Variants in JARID2 observed in about 807,000 individuals in gnomAD.
The protein encoded by JARID2 is jumonji and AT-rich interaction domain containing 2.
In JARID2, 21 loss-of-function variants were observed where a neutral mutation model predicts 125.6. The ratio of observed to expected loss-of-function variants is 0.17; its 90% CI spans 0.12 to 0.24. The LOEUF is 0.24. Among genes scored for constraint, JARID2 ranks in the 10% least tolerant of loss-of-function variants. The probability of loss-of-function intolerance (pLI) is 1.00; values close to 1 mark genes in which losing one functional copy is unlikely to be tolerated. For synonymous variants in JARID2, 736 were observed against 661.6 expected (o/e 1.11, Z -1.73); for missense variants, 1,303 against 1,639.6 (o/e 0.79, Z 3.55).
chr6:15,407,533 G>A (rs554076776), intron 2 of JARID2, among the ~76,000 whole-genome samples: 1 of 152,274 alleles, frequency 6.6e-6, no homozygotes, highest in South Asian at 2.1e-4. Context: ...GACTTCAGCT[G>A]CTGTTATGTA....
intron 1 of JARID2, among the ~76,000 whole-genome samples, chr6:15,366,041 C>G (rs1763960950): frequency 6.6e-6 from 1 of 152,166 alleles, no homozygotes; most frequent in Non-Finnish European, 1.5e-5. Context: ...TCATCACCCC[C>G]AACCCCATTT....
chr6:15,360,484 A>G (rs1763754231), intron 1 of JARID2, among the ~76,000 whole-genome samples: 1 of 151,810 alleles, frequency 6.6e-6, no homozygotes, highest in South Asian at 2.1e-4. Context: ...TGCCCGGCCT[A>G]TTTATCTTAT....
intron 3 of JARID2, among the ~76,000 whole-genome samples, chr6:15,428,831 G>T (rs1023082826): frequency 6.6e-6 from 1 of 151,676 alleles, no homozygotes; most frequent in Admixed American, 6.6e-5. Flanking sequence ...GCTGGAACCC[G>T]GGAGGTAGAG....
intron 2 of JARID2, among the ~76,000 whole-genome samples, chr6:15,391,695 G>T: frequency 6.6e-6 from 1 of 152,196 alleles, no homozygotes; most frequent in Non-Finnish European, 1.5e-5. Flanking sequence ...TTGATATGTT[G>T]GAATGGGCAC....
chr6:15,266,967 G>T (rs187637536), intron 1 of JARID2, among the ~76,000 whole-genome samples: 1 of 152,220 alleles, frequency 6.6e-6, no homozygotes, highest in African/African-American at 2.4e-5. Context: ...GTGCACGTGC[G>T]TCCCTGAGTG....
intron 1 of JARID2, among the ~76,000 whole-genome samples, chr6:15,304,224 G>A (rs896962259): frequency 1.4e-5 from 2 of 146,528 alleles, no homozygotes; most frequent in Non-Finnish European, 3.0e-5. Flanking sequence ...TCGCTGCGCA[G>A]CCTCAGTTGT....
At chr6:15,290,222 T>G (rs772061358) in intron 1 of JARID2, among the ~76,000 whole-genome samples, 67 of 152,240 alleles carry the variant, frequency 4.4e-4, no homozygotes, top group Non-Finnish European at 8.5e-4. Context: ...GTTGTTGTAT[T>G]TATCAGTTCA....
chr6:15,290,443 T>G (rs1004161738), intron 1 of JARID2, among the ~76,000 whole-genome samples: 8 of 152,152 alleles, frequency 5.3e-5, no homozygotes, highest in Non-Finnish European at 1.5e-5. Context: ...TGTTGAGGAT[T>G]ATAAGAAACT....
chr6:15,295,246 C>T (rs1761369295), intron 1 of JARID2, among the ~76,000 whole-genome samples: 1 of 151,692 alleles, frequency 6.6e-6, no homozygotes, highest in African/African-American at 2.4e-5. Context: ...CTCAGCCTCC[C>T]AAGTAGCTGG....
chr6:15,294,545 A>T (rs1297947152), intron 1 of JARID2, among the ~76,000 whole-genome samples: 1 of 152,214 alleles, frequency 6.6e-6, no homozygotes, highest in East Asian at 1.9e-4. Flanking sequence ...AAGCAGAGTG[A>T]AAACCTGCTT....
chr6:15,503,569 C>T lies in JARID2; in HGVS notation c.2449-931C>T, dbSNP rs957314741. 5.1e-4 allele frequency among the ~76,000 whole-genome samples: 77 copies of T among 152,292 alleles called. 1 individual carries two copies. The highest frequency in any genetic ancestry group is 1.8e-3 in the African/African-American group (75 of 41,550). On this transcript the variant is annotated intron_variant, in intron 8 of 17. Transcript: ENST00000341776. The stretch of plus-strand genomic sequence containing the variant: ...CTACATGACACCTGGCACCTCCTCC[C>T]ATCCCATATTTGTGTGTTTGAGGCC...
Position 15,496,847 on chromosome 6 carries a change from A to C in JARID2, c.1622A>C (p.Lys541Thr). ...GTGCACAAGCCGCAGGACTCGGGCAAGGCCGAGAAGGGCGGCGGCAAGGCC... is the reference window on the plus strand; with the variant it reads ...GTGCACAAGCCGCAGGACTCGGGCACGGCCGAGAAGGGCGGCGGCAAGGCC... ...ESVHKPQDSG[K>T]AEKGGGKAGW... is the part of the protein sequence containing the mutation. The change falls in exon 7 of 18, where the codon AAG becomes ACG. Residue 541 changes from lysine (K) to threonine (T), a missense_variant. Around this residue, in one of 11 missense-constraint regions of JARID2, gnomAD observed 651 missense variants for 581.6 expected, o/e 1.12. Transcript: ENST00000341776. The C allele has an allele frequency of 6.2e-7, 1 of 1,601,712 alleles. No individual in the cohort carries two copies. The highest frequency in any genetic ancestry group is 8.5e-7 in the Non-Finnish European group (1 of 1,171,794).
chr6:15,446,805 G>A (rs950155858), intron 3 of JARID2, among the ~76,000 whole-genome samples: 2 of 152,192 alleles, frequency 1.3e-5, no homozygotes, highest in African/African-American at 2.4e-5. Flanking sequence ...GTGAGGGAGT[G>A]CACACCAGAA....
At chr6:15,303,312 GGGT>G (rs1440224050) in intron 1 of JARID2, among the ~76,000 whole-genome samples, 1 of 152,196 alleles carries the variant, frequency 6.6e-6, no homozygotes, top group African/African-American at 2.4e-5. Flanking sequence ...GCACATTCTG[GGGT>G]TCATTCTGTT....
intron 1 of JARID2, among the ~76,000 whole-genome samples, chr6:15,301,360 A>C (rs1311957332): frequency 6.6e-6 from 1 of 152,200 alleles, no homozygotes; most frequent in Non-Finnish European, 1.5e-5. Context: ...CATGAGTTCT[A>C]TACATTTTGG....
chr6:15,444,651 C>T (rs1287677361), intron 3 of JARID2, among the ~76,000 whole-genome samples: 1 of 149,524 alleles, frequency 6.7e-6, no homozygotes, highest in Non-Finnish European at 1.5e-5. Context: ...AGCAAGTTGG[C>T]AAAGCTTCAG....
rs775893686 is a variant in JARID2 at position 15,496,842 on chromosome 6, GGGCAAGGCCGAGAAGGGCGGC to G, written c.1628_1648del (p.Glu543_Ala549del). 33 of 1,602,058 alleles carry G rather than the reference GGGCAAGGCCGAGAAGGGCGGC, an allele frequency of 2.1e-5. No individual in the cohort carries two copies. Among genetic ancestry groups the G allele is most frequent in the Non-Finnish European group, 2.5e-5 (29 of 1,172,192 alleles). ...AGTCCGTGCACAAGCCGCAGGACTC[GGGCAAGGCCGAGAAGGGCGGC>G]GGCAAGGCCGGGTGGGCGGCCATGG... is the stretch of plus-strand genomic sequence containing the variant. On this transcript the variant is annotated inframe_deletion, in exon 7 of 18. Coordinates refer to ENST00000341776, the MANE Select transcript of JARID2 (RefSeq NM_004973.4).
rs181198182 is a variant in JARID2, at chr6:15,458,053, C to T, written c.493+5878C>T. Among the ~76,000 whole-genome samples the T allele has an allele frequency of 7.2e-5, 11 of 152,246 alleles. No homozygotes were observed. The East Asian group carries it at 1.7e-3, about 24-fold the overall frequency. The stretch of plus-strand genomic sequence containing the variant: ...TTGAAGGGGTCCACATGTCTCTTGC[C>T]AGAGGCATAATTAGTATCTTTCACT... On this transcript the variant is annotated intron_variant, in intron 4 of 17. Coordinates refer to ENST00000341776, the MANE Select transcript of JARID2 (RefSeq NM_004973.4).
intron 1 of JARID2, among the ~76,000 whole-genome samples, chr6:15,327,254 T>TC (rs1357805797): frequency 6.6e-6 from 1 of 152,348 alleles, no homozygotes; most frequent in Non-Finnish European, 1.5e-5. Context: ...TTTTTTGTTT[T>TC]CTTTTTTAAG....
Sources: allele counts gnomAD v4.1 joint callset (sites outside exome capture counted in the v4.1 genomes callset), GRCh38; gene constraint gnomAD v4.1.1; regional missense constraint gnomAD v4.1.1; transcripts MANE v1.5; gene names NCBI Gene and HGNC (gene_info 2026-07-23, HGNC 2026-07-21).